The following RYR2 variants were observed in gnomAD, a reference collection of about 807,000 sequenced individuals.
RYR2 encodes cardiac muscle ryanodine receptor-calcium release channel.
A neutral mutation model predicts 601.1 loss-of-function variants in RYR2; 227 were observed. The observed-to-expected ratio is 0.38, with a 90% confidence interval of 0.34 to 0.42. The LOEUF (loss-of-function observed/expected upper bound fraction) is 0.42, where lower values mean the gene tolerates loss of function less well. Among genes scored for constraint, RYR2 ranks in the 10% least tolerant of loss-of-function variants. The pLI, the probability that RYR2 is intolerant of heterozygous loss-of-function variation, is 1.00. For missense variants in RYR2, 4,646 were observed against 6,156.5 expected (o/e 0.75, Z 8.21); for synonymous variants, 2,223 against 2,175.1 (o/e 1.02, Z -0.61).
At chr1:237,361,811 A>G (rs1322030669) in intron 4 of RYR2, among the ~76,000 whole-genome samples, 3 of 152,212 alleles carry the variant, frequency 2.0e-5, no homozygotes, top group Admixed American at 6.5e-5. Context: ...TCTTTGCACC[A>G]AGAACAGATT....
At chr1:237,570,381 C>T (rs1052727403) in intron 29 of RYR2, among the ~76,000 whole-genome samples, 2 of 149,876 alleles carry the variant, frequency 1.3e-5, no homozygotes, top group African/African-American at 2.5e-5. Flanking sequence ...TCTTGTCGCC[C>T]GGGCTGGAGT....
chr1:237,442,438 C>T (rs1033692004), intron 13 of RYR2, among the ~76,000 whole-genome samples: 3 of 152,112 alleles, frequency 2.0e-5, no homozygotes, highest in African/African-American at 7.2e-5. Flanking sequence ...GCTTTCCTTT[C>T]CTCCTGTCTT....
intron 1 of RYR2, among the ~76,000 whole-genome samples, chr1:237,226,373 G>C (rs1307246602): frequency 6.6e-6 from 1 of 152,164 alleles, no homozygotes; most frequent in Admixed American, 6.5e-5. Context: ...ACTTGTCAGT[G>C]GCGTGGCGTA....
intron 4 of RYR2, among the ~76,000 whole-genome samples, chr1:237,362,994 A>G (rs2149720698): frequency 6.6e-6 from 1 of 152,038 alleles, no homozygotes; most frequent in East Asian, 1.9e-4. Context: ...GTTAATACCT[A>G]CTACATTTTT....
At chr1:237,167,408 T>C (rs948496690) in intron 1 of RYR2, among the ~76,000 whole-genome samples, 1 of 152,204 alleles carries the variant, frequency 6.6e-6, no homozygotes, top group Non-Finnish European at 1.5e-5. Context: ...CAAGAACTAT[T>C]CAACAGCTCA....
At chr1:237,337,967 G>A (rs1189712311) in intron 3 of RYR2, among the ~76,000 whole-genome samples, 1 of 152,120 alleles carries the variant, frequency 6.6e-6, no homozygotes, top group Non-Finnish European at 1.5e-5. Context: ...TGGCAGCACT[G>A]CATTGCTTCC....
chr1:237,323,645 T>C (rs974892), intron 2 of RYR2, among the ~76,000 whole-genome samples: 71,256 of 152,150 alleles, frequency 0.47, 18,494 homozygotes, highest in African/African-American at 0.71. Context: ...CCATATGGGA[T>C]GCTACGAATT....
intron 92 of RYR2, among the ~76,000 whole-genome samples, chr1:237,789,834 C>A (rs1330989436): frequency 2.0e-5 from 3 of 152,210 alleles, no homozygotes. Context: ...AACAAAGGCC[C>A]CTTTTCCCCT....
chr1:237,138,401 G>A (rs948455125), intron 1 of RYR2, among the ~76,000 whole-genome samples: 8 of 152,084 alleles, frequency 5.3e-5, no homozygotes, highest in Non-Finnish European at 1.0e-4. Context: ...TGTTCATTTA[G>A]TTCTGCTAGA....
In RYR2 at chr1:237,708,776, A is replaced by G. The variant is rs545076854; in HGVS notation, c.9902-82A>G. 6 of 1,260,846 alleles carry G rather than the reference A, an allele frequency of 4.8e-6. No individual in the cohort carries two copies. In the South Asian group the frequency reaches 8.6e-5, roughly 18 times the overall value. The allele number at this position is 1,260,846 out of a possible 1,614,324, so 78.1% of individuals were successfully genotyped here. A position where few individuals can be genotyped will look rare whatever the true frequency, so the allele number is the denominator to read the frequency against. On this transcript the variant is annotated intron_variant, in intron 68 of 104. Coordinates refer to ENST00000366574, the MANE Select transcript of RYR2 (RefSeq NM_001035.3). ...TGTGCTGGAGAAGGAGGCTTTAATT[A>G]TGTTACAATTGTAATTACAATCTAT...
chr1:237,761,394 G>A (rs1224562885), intron 84 of RYR2, among the ~76,000 whole-genome samples: 1 of 152,164 alleles, frequency 6.6e-6, no homozygotes, highest in Admixed American at 6.5e-5. Context: ...CTTTAGCAAA[G>A]TCGGGCTCTC....
At position 237,622,073 on chromosome 1, in the gene RYR2, TACA is replaced by T. The variant is rs76570310; in HGVS notation, c.5917-1690_5917-1688del. ...CTTGAAGTCTCTCTGTATTATTTCT[TACA>T]ATAGCATATAAGTCTATAATTATAT... On this transcript the variant is annotated intron_variant, in intron 38 of 104. Transcript: ENST00000366574. 2.7e-4 allele frequency among the ~76,000 whole-genome samples: 41 copies of T among 152,308 alleles called. No individual in the cohort carries two copies. The East Asian group carries it at 6.9e-3, about 26-fold the overall frequency.
At chr1:237,071,551 G>A (rs1445386883) in intron 1 of RYR2, among the ~76,000 whole-genome samples, 22 of 152,154 alleles carry the variant, frequency 1.4e-4, no homozygotes. Flanking sequence ...GGGCTCAGAG[G>A]GGAGGAAGTG....
In RYR2 at chr1:237,819,805, C is replaced by T. The variant is rs1047648244; in HGVS notation, c.14590+613C>T. Among the ~76,000 whole-genome samples, 13 of 151,842 alleles carry T rather than the reference C, an allele frequency of 8.6e-5. No individual in the cohort carries two copies. The highest frequency in any genetic ancestry group is 1.6e-4 in the Non-Finnish European group (11 of 67,986). ...TGCACTCCAGCCTGGGCAACAAGAG[C>T]GAAACTCCATTTCAAAACACACACT... On this transcript the variant is annotated intron_variant, in intron 101 of 104. Coordinates refer to ENST00000366574, the MANE Select transcript of RYR2 (RefSeq NM_001035.3). This position sits in a 1 kb window ranked among gnomAD's most constrained non-coding sequence, Gnocchi z 4.0.
Position 237,700,290 on chromosome 1 carries a change from G to A in RYR2, c.9190G>A (p.Ala3064Thr), listed in dbSNP as rs375482798. Residue 3064 changes from alanine (A) to threonine (T), a missense_variant, in exon 65 of 105, where the codon GCT (alanine) becomes ACT (threonine). By Grantham distance (58) the Ala-to-Thr change is moderately conservative. Transcript: ENST00000366574. Reference protein sequence around the residue: ...KSALRAFLDNAAEDLEKTMEN... With the variant: ...KSALRAFLDNTAEDLEKTMEN... ...TGCACTCAGAGCTTTTCTGGACAAC[G>A]CTGCAGAGGATCTGGAGAAGACCAT... 80 of 1,589,794 alleles carry A rather than the reference G, an allele frequency of 5.0e-5. No individual in the cohort carries two copies. The highest frequency in any genetic ancestry group is 1.2e-4 in the Admixed American group (7 of 56,430).
At position 237,580,155 on chromosome 1, in the gene RYR2, C is replaced by CTTTTTTTTTTTTT. The variant is rs58145628; in HGVS notation, c.3599-9633_3599-9621dup. 1.2e-4 allele frequency among the ~76,000 whole-genome samples: 14 copies of CTTTTTTTTTTTTT among 116,624 alleles called. 1 individual carries two copies. The highest frequency in any genetic ancestry group is 3.0e-4 in the East Asian group (1 of 3,374). 76.5% of individuals were successfully genotyped at this position (116,624 alleles called of 152,430 possible). ...AGAGCCACGTGAAATCACAACAATT[C>CTTTTTTTTTTTTT]TTTTTTTTTTTTTTTTTGAGACGGA... On this transcript the variant is annotated intron_variant, in intron 29 of 104. Transcript: ENST00000366574.
intron 46 of RYR2, 84 bp from the exon 47 acceptor site, chr1:237,640,813 C>T: frequency 9.5e-7 from 1 of 1,050,338 alleles, no homozygotes; most frequent in Admixed American, 2.0e-5. Flanking sequence ...ACCTAGTAGT[C>T]CCTTTCCTCG....
chr1:237,652,626 A>C (rs1251864788), intron 51 of RYR2, among the ~76,000 whole-genome samples: 1 of 152,320 alleles, frequency 6.6e-6, no homozygotes, highest in Non-Finnish European at 1.5e-5. Context: ...TACATTAGTG[A>C]ATTAGGTAAA....
chr1:237,569,994 G>A (rs921551465), intron 29 of RYR2, among the ~76,000 whole-genome samples: 2 of 152,084 alleles, frequency 1.3e-5, no homozygotes, highest in Admixed American at 1.3e-4. Flanking sequence ...GAGGTGGATG[G>A]ATCACAAGGT....
Sources: allele counts gnomAD v4.1 joint callset (sites outside exome capture counted in the v4.1 genomes callset), GRCh38; gene constraint gnomAD v4.1.1; non-coding constraint Gnocchi (gnomAD v3.1); transcripts MANE v1.5; gene names NCBI Gene and HGNC (gene_info 2026-07-23, HGNC 2026-07-21).